The following CAST variants were observed in gnomAD, a reference collection of about 807,000 sequenced individuals.
CAST encodes the protein MIR583 host.
A neutral mutation model predicts 119.6 loss-of-function variants in CAST; 76 were observed. The ratio of observed to expected loss-of-function variants is 0.64; its 90% CI spans 0.53 to 0.77. CAST has a LOEUF of 0.77. CAST is among the 30% of genes least tolerant of loss of function. The pLI is 0.00. For missense variants in CAST, 953 were observed against 946.5 expected, an observed-to-expected ratio of 1.01 and a Z score of -0.09; for synonymous variants, 319 against 331.6, an observed-to-expected ratio of 0.96 and a Z score of 0.41.
chr5:96,235,306 T>C, the CAST span, among the ~76,000 whole-genome samples: 1 of 152,248 alleles, frequency 6.6e-6, no homozygotes, highest in Non-Finnish European at 1.5e-5. Flanking sequence ...ACTCATTGTG[T>C]GGCTTTGAAC....
the CAST span, among the ~76,000 whole-genome samples, chr5:96,418,051 C>T: frequency 9.7e-3 from 1,484 of 152,266 alleles, 30 homozygotes; most frequent in African/African-American, 0.034. Context: ...TGCCTTTGTC[C>T]TAAAAAATGA....
chr5:95,972,499 A>C, the CAST span, among the ~76,000 whole-genome samples: 1 of 151,870 alleles, frequency 6.6e-6, no homozygotes, highest in South Asian at 2.1e-4. Flanking sequence ...CCATATATCC[A>C]TGTGTTTGTT....
At chr5:96,469,879 A>ATATATAATAT in the CAST span, among the ~76,000 whole-genome samples, 2 of 107,420 alleles carry the variant, frequency 1.9e-5, no homozygotes, top group South Asian at 2.6e-4. Context: ...ATATATATAT[A>ATATATAATAT]ATATATATAT....
the CAST span, among the ~76,000 whole-genome samples, chr5:96,438,138 A>G: frequency 6.6e-6 from 1 of 152,092 alleles, no homozygotes; most frequent in Non-Finnish European, 1.5e-5. Context: ...CTTTCAATAG[A>G]ATTTTTTAAA....
the CAST span, among the ~76,000 whole-genome samples, chr5:95,975,844 G>T: frequency 0.077 from 11,708 of 152,030 alleles, 997 homozygotes; most frequent in African/African-American, 0.21. Context: ...TTGCCTACTG[G>T]GCCCTTAATG....
At chr5:96,398,817 G>C in the CAST span, 98 of 1,270,916 alleles carry the variant, frequency 7.7e-5, no homozygotes, top group East Asian at 2.3e-3. Context: ...AAAGCAATCA[G>C]TTATTTGAAT....
chr5:96,021,693 T>A, the CAST span, among the ~76,000 whole-genome samples: 39 of 152,084 alleles, frequency 2.6e-4, no homozygotes, highest in Admixed American at 1.5e-3. Flanking sequence ...TAATCCTCCC[T>A]CCTTGGCCTC....
chr5:96,116,224 G>T, the CAST span, among the ~76,000 whole-genome samples: 1 of 151,948 alleles, frequency 6.6e-6, no homozygotes, highest in Non-Finnish European at 1.5e-5. Context: ...AGTCTGGATT[G>T]TTTTGCTTAA....
chr5:96,118,078 A>G, the CAST span, among the ~76,000 whole-genome samples: 2 of 152,328 alleles, frequency 1.3e-5, no homozygotes, highest in Non-Finnish European at 1.5e-5. Context: ...AAAGTATTTG[A>G]TGAACAGCTG....
rs1762521911 is a variant in CAST at position 96,740,881 on chromosome 5, A to T, written c.918+98A>T. On this transcript the variant is annotated intron_variant, in intron 13 of 31. Coordinates refer to ENST00000675179, the MANE Select transcript of CAST (RefSeq NM_001750.7). ...ATTCTATATTTGAGGATTATGACTT[A>T]ACTCATCTCCAAATCAAATGGAGTT... is the stretch of plus-strand genomic sequence containing the variant. The T allele has an allele frequency of 6.3e-6, 5 of 799,782 alleles. No individual in the cohort carries two copies. The South Asian group carries it at 7.5e-5, about 12-fold the overall frequency. The allele number at this position is 799,782 out of a possible 1,614,324, so 49.5% of individuals were successfully genotyped here. A position where few individuals can be genotyped will look rare whatever the true frequency, so the allele number is the denominator to read the frequency against.
chr5:96,554,897 G>A (rs1270479725), intron 1 of CAST, among the ~76,000 whole-genome samples: 4 of 152,158 alleles, frequency 2.6e-5, no homozygotes, highest in Non-Finnish European at 5.9e-5. Flanking sequence ...AAAAAGTCAG[G>A]AAACAACAGA....
intron 1 of CAST, among the ~76,000 whole-genome samples, chr5:96,654,251 T>C (rs1179051179): frequency 6.6e-6 from 1 of 152,088 alleles, no homozygotes; most frequent in African/African-American, 2.4e-5. Context: ...GGTCTCAAAC[T>C]CCTGACCTTT....
chr5:96,005,634 C>G, the CAST span, among the ~76,000 whole-genome samples: 1 of 151,954 alleles, frequency 6.6e-6, no homozygotes, highest in Non-Finnish European at 1.5e-5. Flanking sequence ...ATATCAGTTA[C>G]GTTGATTAAA....
At chr5:96,629,133 C>T (rs1335741613) in intron 1 of CAST, among the ~76,000 whole-genome samples, 2 of 152,158 alleles carry the variant, frequency 1.3e-5, no homozygotes, top group African/African-American at 4.8e-5. Context: ...ATAATTGGGT[C>T]ACAAGGGCAG....
chr5:96,626,119 C>T (rs1442755101), intron 1 of CAST, among the ~76,000 whole-genome samples: 1 of 152,172 alleles, frequency 6.6e-6, no homozygotes, highest in African/African-American at 2.4e-5. Context: ...CTGGCATCTG[C>T]TTCTCCAATA....
chr5:96,569,663 A>G (rs1053031836), intron 1 of CAST, among the ~76,000 whole-genome samples: 2 of 152,188 alleles, frequency 1.3e-5, no homozygotes, highest in African/African-American at 4.8e-5. Flanking sequence ...GAAATACTAG[A>G]GTTTAGGAAA....
the CAST span, among the ~76,000 whole-genome samples, chr5:96,299,023 T>A: frequency 0.028 from 4,220 of 152,064 alleles, 88 homozygotes; most frequent in Non-Finnish European, 0.042. Flanking sequence ...ATGGATCACC[T>A]GAGGTCAAGA....
At chr5:96,218,960 A>G in the CAST span, among the ~76,000 whole-genome samples, 5 of 152,074 alleles carry the variant, frequency 3.3e-5, no homozygotes, top group Admixed American at 6.6e-5. Context: ...ACTAAATCTC[A>G]GTTTCTTCAG....
At chr5:96,289,521 G>C in the CAST span, among the ~76,000 whole-genome samples, 1 of 152,090 alleles carries the variant, frequency 6.6e-6, no homozygotes, top group East Asian at 1.9e-4. Context: ...CCTTTCACTT[G>C]GTTCTCATTC....
Sources: gnomAD v4.1 joint callset for allele counts (sites outside exome capture counted in the v4.1 genomes callset) on GRCh38, gnomAD v4.1.1 for gene constraint, MANE v1.5 for transcripts, NCBI Gene and HGNC (gene_info 2026-07-23, HGNC 2026-07-21) for gene names.